The following CSMD1 variants were observed in gnomAD, a reference collection of about 807,000 sequenced individuals.
The protein encoded by CSMD1 is CUB and Sushi multiple domains 1.
A neutral mutation model predicts 417.5 loss-of-function variants in CSMD1; 213 were observed. The ratio of observed to expected loss-of-function variants is 0.51; its 90% CI spans 0.46 to 0.57. The LOEUF is 0.57. Ranked by LOEUF, CSMD1 falls within the 20% of genes least tolerant of loss-of-function variation. The pLI is 0.00. For missense variants in CSMD1, 6,923 were observed against 4,529.7 expected (o/e 1.53, Z -15.17); for synonymous variants, 2,862 against 1,736.8 (o/e 1.65, Z -16.11).
intron 2 of CSMD1, among the ~76,000 whole-genome samples, chr8:4,478,106 C>T (rs1260652997): frequency 6.6e-6 from 1 of 152,148 alleles, no homozygotes; most frequent in East Asian, 1.9e-4. Context: ...TAAGACCTAC[C>T]CCTGGCTGTT....
Position 3,230,189 on chromosome 8 carries a change from T to C in CSMD1, c.4196A>G (p.Asn1399Ser). The C allele has an allele frequency of 6.2e-7, 1 of 1,610,274 alleles. No homozygotes were observed. Among genetic ancestry groups the C allele is most frequent in the Non-Finnish European group, 8.5e-7 (1 of 1,178,062 alleles). The change falls in exon 27 of 70, where the codon AAT becomes AGT. Residue 1399 changes from asparagine to serine, a missense_variant. Physicochemically the swap from Asn to Ser is conservative, Grantham distance 46 (BLOSUM62 1). Transcript: ENST00000635120. The part of the protein sequence containing the change: ...ATCNDPGMPQ[N>S]GTRYGDSREA... Reference sequence around the variant, plus strand: ...TCTGCTGTCTCCATAGCGGGTGCCATTTTGGGGCATACCTGGATCGTTACA... The same window carrying C: ...TCTGCTGTCTCCATAGCGGGTGCCACTTTGGGGCATACCTGGATCGTTACA...
chr8:4,454,927 C>A (rs1373050547), intron 2 of CSMD1, among the ~76,000 whole-genome samples: 1 of 152,176 alleles, frequency 6.6e-6, no homozygotes, highest in Non-Finnish European at 1.5e-5. Flanking sequence ...ACACATCTCA[C>A]TCCAGACTCA....
At chr8:4,988,466 T>G (rs1414821686) in intron 1 of CSMD1, among the ~76,000 whole-genome samples, 1 of 151,958 alleles carries the variant, frequency 6.6e-6, no homozygotes, top group Admixed American at 6.6e-5. Context: ...CTGCATGATC[T>G]TTTTTCTTTT....
chr8:3,158,629 C>G (rs1283294178), intron 38 of CSMD1, among the ~76,000 whole-genome samples: 1 of 150,610 alleles, frequency 6.6e-6, no homozygotes, highest in Non-Finnish European at 1.5e-5. Context: ...CTGTTCCAGT[C>G]TTTCTCAATG....
Position 3,616,696 on chromosome 8 carries a change from A to T in CSMD1, c.1097+14T>A. On this transcript the variant is annotated intron_variant, in intron 8 of 69. Coordinates refer to ENST00000635120, the MANE Select transcript of CSMD1 (RefSeq NM_033225.6). ...AAATAACATGCTTTTTTCCACCACT[A>T]TTGTATCTCTTACCTGAAGTCGGAA... 1 of 1,529,534 alleles carries T rather than the reference A, an allele frequency of 6.5e-7. No homozygotes were observed. The highest frequency in any genetic ancestry group is 9.1e-7 in the Non-Finnish European group (1 of 1,104,422). 94.7% of individuals were successfully genotyped at this position (1,529,534 alleles called of 1,614,324 possible).
intron 1 of CSMD1, among the ~76,000 whole-genome samples, chr8:4,906,172 G>A (rs961615383): frequency 1.3e-5 from 2 of 152,162 alleles, no homozygotes; most frequent in African/African-American, 2.4e-5. Flanking sequence ...TTTCCTGTGA[G>A]AACCCTTGAG....
intron 12 of CSMD1, among the ~76,000 whole-genome samples, chr8:3,419,074 T>C (rs993966303): frequency 1.3e-5 from 2 of 152,208 alleles, no homozygotes; most frequent in Admixed American, 6.5e-5. Flanking sequence ...TTGCCATTGT[T>C]TAAGGCTGAA....
intron 1 of CSMD1, among the ~76,000 whole-genome samples, chr8:4,918,918 A>C (rs949456307): frequency 1.3e-5 from 2 of 152,302 alleles, no homozygotes; most frequent in Admixed American, 6.5e-5. Flanking sequence ...AAAAGTAGTA[A>C]AATTCTGGGG....
chr8:3,256,093 T>C lies in CSMD1; in HGVS notation c.4154-25862A>G, dbSNP rs539570913. The stretch of plus-strand genomic sequence containing the variant: ...CTGTAATCCCAGGACTTTGGGGGGC[T>C]GAGGCAGACCAATCACCTGAGGTCA... On this transcript the variant is annotated intron_variant, in intron 26 of 69. Transcript: ENST00000635120. Among the ~76,000 whole-genome samples the C allele has an allele frequency of 2.9e-3, 444 of 152,112 alleles. 2 individuals carry two copies. The highest frequency in any genetic ancestry group is 0.01 in the African/African-American group (423 of 41,502).
chr8:4,669,086 A>G (rs1563105144), intron 1 of CSMD1, among the ~76,000 whole-genome samples: 1 of 152,182 alleles, frequency 6.6e-6, no homozygotes, highest in Non-Finnish European at 1.5e-5. Flanking sequence ...TTACAGACTT[A>G]TAAAGCTTTA....
intron 1 of CSMD1, among the ~76,000 whole-genome samples, chr8:4,655,255 G>C (rs1364872892): frequency 1.3e-5 from 2 of 151,920 alleles, no homozygotes; most frequent in Admixed American, 6.6e-5. Context: ...AAATTGAATA[G>C]AACCCTCCCC....
intron 52 of CSMD1, among the ~76,000 whole-genome samples, chr8:3,011,378 G>T (rs1808370619): frequency 6.8e-6 from 1 of 146,090 alleles, no homozygotes; most frequent in South Asian, 2.1e-4. Context: ...TGTGATATAA[G>T]CATTATCATA....
At chr8:4,927,882 G>A (rs1465364517) in intron 1 of CSMD1, among the ~76,000 whole-genome samples, 1 of 152,076 alleles carries the variant, frequency 6.6e-6, no homozygotes, top group Non-Finnish European at 1.5e-5. Flanking sequence ...ATTCCCCAAA[G>A]ATCCCACCTT....
intron 7 of CSMD1, chr8:3,702,298 C>A (rs62474749): frequency 0.95 from 145,054 of 152,248 alleles, 69,158 homozygotes; most frequent in East Asian, 1. Context: ...AAATCAATAT[C>A]GAATTGGGCA....
intron 1 of CSMD1, among the ~76,000 whole-genome samples, chr8:4,803,856 T>C (rs578048490): frequency 2.0e-4 from 31 of 152,318 alleles, no homozygotes; most frequent in African/African-American, 7.2e-4. Flanking sequence ...GTGTTACATA[T>C]TTTTTGTAAG....
rs11782998 is a variant in CSMD1, at chr8:3,534,928, G to A, written c.1344+40017C>T. 6.6e-5 allele frequency among the ~76,000 whole-genome samples: 10 copies of A among 151,970 alleles called. No homozygotes were observed. In the South Asian group the frequency reaches 1.5e-3, roughly 22 times the overall value. ...AGAATTCAAGTAAAAGATAGCCAGG[G>A]TTACTGTAAGACATGTATTTACTTA... On this transcript the variant is annotated intron_variant, in intron 10 of 69. Coordinates refer to ENST00000635120, the MANE Select transcript of CSMD1 (RefSeq NM_033225.6).
At chr8:4,380,269 G>A (rs1584985412) in intron 3 of CSMD1, among the ~76,000 whole-genome samples, 1 of 152,116 alleles carries the variant, frequency 6.6e-6, no homozygotes, top group South Asian at 2.1e-4. Context: ...AAACACCTCT[G>A]CCAGGTGACT....
At chr8:4,571,961 T>G (rs1464041006) in intron 2 of CSMD1, among the ~76,000 whole-genome samples, 1 of 152,238 alleles carries the variant, frequency 6.6e-6, no homozygotes, top group Non-Finnish European at 1.5e-5. Flanking sequence ...ATTTTTTGCT[T>G]TCCATTTACT....
chr8:3,915,449 G>A (rs918125368), intron 5 of CSMD1, among the ~76,000 whole-genome samples: 2 of 150,204 alleles, frequency 1.3e-5, no homozygotes, highest in South Asian at 2.1e-4. Flanking sequence ...TAGTAGGTTC[G>A]GAAGATCACT....
Sources: gnomAD v4.1 joint callset for allele counts (sites outside exome capture counted in the v4.1 genomes callset) on GRCh38, gnomAD v4.1.1 for gene constraint, MANE v1.5 for transcripts, NCBI Gene and HGNC (gene_info 2026-07-23, HGNC 2026-07-21) for gene names.